Variants in PTPN1 observed in about 807,000 individuals in gnomAD.
The protein encoded by PTPN1 is tyrosine-protein phosphatase non-receptor type 1.
In PTPN1, 12 loss-of-function variants were observed where a neutral mutation model predicts 59.9. That is an observed-to-expected ratio of 0.20 (90% CI 0.13 to 0.32). The LOEUF is 0.32. Among genes scored for constraint, PTPN1 ranks in the 10% least tolerant of loss-of-function variants. PTPN1 has a pLI of 1.00. For synonymous variants in PTPN1, 178 were observed against 203.6 expected (o/e 0.87, Z 1.07); for missense variants, 356 against 549.2 (o/e 0.65, Z 3.52).
chr20:50,570,420 A>G (rs2122790273), intron 4 of PTPN1, among the ~76,000 whole-genome samples: 1 of 152,334 alleles, frequency 6.6e-6, no homozygotes, highest in African/African-American at 2.4e-5. Flanking sequence ...TGTTCTGTTG[A>G]TGATATAATG....
At chr20:50,569,656 A>G (rs1443212166) in intron 4 of PTPN1, among the ~76,000 whole-genome samples, 1 of 150,750 alleles carries the variant, frequency 6.6e-6, no homozygotes, top group Non-Finnish European at 1.5e-5. Flanking sequence ...TCCTGTGTAG[A>G]TTGTCTGTGT....
intron 1 of PTPN1, among the ~76,000 whole-genome samples, chr20:50,547,430 C>T (rs1283453517): frequency 6.6e-6 from 1 of 151,810 alleles, no homozygotes; most frequent in East Asian, 1.9e-4. Context: ...ATGGTATGAT[C>T]TCGGCTCACT....
intron 3 of PTPN1, among the ~76,000 whole-genome samples, chr20:50,565,902 A>G (rs1214299643): frequency 2.6e-5 from 4 of 152,336 alleles, no homozygotes; most frequent in East Asian, 3.9e-4. Flanking sequence ...AGAATGCTCT[A>G]TGAAGAAAGG....
intron 1 of PTPN1, among the ~76,000 whole-genome samples, chr20:50,545,355 G>A (rs999669327): frequency 6.6e-6 from 1 of 152,132 alleles, no homozygotes; most frequent in African/African-American, 2.4e-5. Flanking sequence ...AGGCTAAAAT[G>A]GGTTGTGTTT....
chr20:50,547,973 A>G (rs1294220233), intron 1 of PTPN1, among the ~76,000 whole-genome samples: 2 of 152,208 alleles, frequency 1.3e-5, no homozygotes, highest in Non-Finnish European at 2.9e-5. Context: ...AATTAAGTAA[A>G]TGACCATGTT....
At chr20:50,550,563 G>C (rs1364146265) in intron 1 of PTPN1, among the ~76,000 whole-genome samples, 2 of 152,220 alleles carry the variant, frequency 1.3e-5, no homozygotes, top group Non-Finnish European at 2.9e-5. Flanking sequence ...GAGAAAATAG[G>C]ATTGGATCAG....
intron 1 of PTPN1, among the ~76,000 whole-genome samples, chr20:50,549,642 T>C (rs903046660): frequency 1.3e-5 from 2 of 152,210 alleles, no homozygotes; most frequent in Admixed American, 1.3e-4. Context: ...CAAAAGATTC[T>C]GGTTTGCTTT....
At chr20:50,536,770 T>C (rs1009452850) in intron 1 of PTPN1, among the ~76,000 whole-genome samples, 2 of 152,212 alleles carry the variant, frequency 1.3e-5, no homozygotes, top group African/African-American at 4.8e-5. Flanking sequence ...CCTTTACTTA[T>C]ATTCCTTGAG....
chr20:50,532,536 G>A (rs911916670), intron 1 of PTPN1, among the ~76,000 whole-genome samples: 2 of 152,130 alleles, frequency 1.3e-5, no homozygotes, highest in Non-Finnish European at 2.9e-5. Context: ...TGTTGTGAAT[G>A]GTGGTTAAAT....
chr20:50,544,156 G>A (rs893218898), intron 1 of PTPN1, among the ~76,000 whole-genome samples: 12 of 151,696 alleles, frequency 7.9e-5, no homozygotes, highest in Admixed American at 2.6e-4. Flanking sequence ...AATTGTTTCA[G>A]TATTAATTTT....
At chr20:50,516,014 T>C (rs1244507184) in intron 1 of PTPN1, among the ~76,000 whole-genome samples, 1 of 152,186 alleles carries the variant, frequency 6.6e-6, no homozygotes, top group East Asian at 1.9e-4. Flanking sequence ...TAACAATAAA[T>C]TTGTGCTTGG....
chr20:50,524,567 G>GTTTTTTTTTTTTTTTTTTT (rs1386022104), intron 1 of PTPN1, among the ~76,000 whole-genome samples: 2 of 64,104 alleles, frequency 3.1e-5, no homozygotes, highest in East Asian at 3.3e-4. Flanking sequence ...CCATTATGTG[G>GTTTTTTTTTTTTTTTTTTT]TCTTTTTTTT....
intron 1 of PTPN1, among the ~76,000 whole-genome samples, chr20:50,528,736 TAA>T (rs766874557): frequency 1.0e-4 from 12 of 115,316 alleles, no homozygotes; most frequent in Non-Finnish European, 1.1e-4. Flanking sequence ...GACTCCATCT[TAA>T]AAAAAAAAAA....
At chr20:50,571,067 A>G (rs1346060890) in intron 4 of PTPN1, 1 of 152,288 alleles carries the variant, frequency 6.6e-6, no homozygotes, top group African/African-American at 2.4e-5. Flanking sequence ...TTGTTGTCAC[A>G]TTACAGCAAG....
chr20:50,539,648 T>C (rs1196663331), intron 1 of PTPN1, among the ~76,000 whole-genome samples: 10 of 146,524 alleles, frequency 6.8e-5, no homozygotes, highest in African/African-American at 2.0e-4. Context: ...TTCTCTCTTT[T>C]TTTTTTTTTT....
Position 50,516,627 on chromosome 20 carries a change from G to GT in PTPN1, c.63+6043dup, listed in dbSNP as rs776033898. Among the ~76,000 whole-genome samples, 194 of 152,274 alleles carry GT rather than the reference G, an allele frequency of 1.3e-3. 1 individual carries two copies. The highest frequency in any genetic ancestry group is 2.2e-3 in the Non-Finnish European group (148 of 68,018). On this transcript the variant is annotated intron_variant, in intron 1 of 9. Coordinates refer to ENST00000371621, the MANE Select transcript of PTPN1 (RefSeq NM_002827.4). ...AGTTAACAACTCAAAAGAATGGGGT[G>GT]TTTTTTCCCGAGGGGCATGAAATGT... is the stretch of plus-strand genomic sequence containing the variant.
intron 1 of PTPN1, among the ~76,000 whole-genome samples, chr20:50,527,568 G>T (rs1350122680): frequency 6.6e-6 from 1 of 151,948 alleles, no homozygotes; most frequent in Non-Finnish European, 1.5e-5. Flanking sequence ...TTGTTGGCAT[G>T]TTGACCATGT....
intron 1 of PTPN1, among the ~76,000 whole-genome samples, chr20:50,560,358 T>C (rs1361247784): frequency 6.6e-6 from 1 of 152,176 alleles, no homozygotes; most frequent in Non-Finnish European, 1.5e-5. Context: ...GGGAATGAGA[T>C]GGCAATCCAG....
intron 1 of PTPN1, among the ~76,000 whole-genome samples, chr20:50,542,260 GTCT>G (rs2082656439): frequency 6.6e-6 from 1 of 152,162 alleles, no homozygotes; most frequent in Admixed American, 6.5e-5. Flanking sequence ...TAGCTATCTT[GTCT>G]TCTTAAACAA....
Sources: gnomAD v4.1 joint callset for allele counts (sites outside exome capture counted in the v4.1 genomes callset) on GRCh38, gnomAD v4.1.1 for gene constraint, MANE v1.5 for transcripts, NCBI Gene and HGNC (gene_info 2026-07-23, HGNC 2026-07-21) for gene names.